Variants in BAD observed in about 807,000 individuals in gnomAD.
BAD encodes BCL2 associated agonist of cell death.
In BAD, 18 loss-of-function variants were observed where a neutral mutation model predicts 17.8. The ratio of observed to expected loss-of-function variants is 1.01; its 90% CI spans 0.70 to 1.50. The LOEUF is 1.50. Ranked by LOEUF, BAD falls within the 40% of genes most tolerant of loss-of-function variation. The pLI is 0.00. For synonymous variants in BAD, 112 were observed against 91.5 expected (o/e 1.22, Z -1.28); for missense variants, 294 against 239.3 (o/e 1.23, Z -1.51).
At chr11:64,284,159 G>A (rs1356737769) in intron 2 of BAD, 23 bp downstream of exon 2, 1 of 1,551,938 alleles carries the variant, frequency 6.4e-7, no homozygotes, top group Non-Finnish European at 8.7e-7. Context: ...TGTCCCGGCA[G>A]GTGGAGGTGG....
intron 2 of BAD, among the ~76,000 whole-genome samples, chr11:64,272,295 G>A (rs1307261493): frequency 6.6e-6 from 1 of 151,834 alleles, no homozygotes; most frequent in African/African-American, 2.4e-5. Flanking sequence ...CTCCAGCCTG[G>A]GCGACAGGCT....
intron 2 of BAD, among the ~76,000 whole-genome samples, chr11:64,274,131 G>C (rs1309138529): frequency 6.6e-6 from 1 of 152,210 alleles, no homozygotes; most frequent in Non-Finnish European, 1.5e-5. Context: ...GGTGGCTTAC[G>C]CCTTTAATCC....
rs746057329 is a variant in BAD, at chr11:64,284,394, T to C, written c.-8-18A>G. 2 of 1,611,890 alleles carry C rather than the reference T, an allele frequency of 1.2e-6. No homozygotes were observed. The highest frequency in any genetic ancestry group is 1.7e-5 in the Admixed American group (1 of 60,030). On this transcript the variant is annotated intron_variant, in intron 1 of 3. Coordinates refer to ENST00000309032, the MANE Select transcript of BAD (RefSeq NM_032989.3). ...GCTCTGGGCTGTGAGGACAAGATGT[T>C]ACGTAGTCAAGGCACAGCTGGGGCC...
chr11:64,276,040 G>A (rs993824786), intron 2 of BAD, among the ~76,000 whole-genome samples: 1 of 152,178 alleles, frequency 6.6e-6, no homozygotes, highest in Non-Finnish European at 1.5e-5. Flanking sequence ...CAGGGGCTGT[G>A]TGCTTAGCTG....
At chr11:64,282,881 G>GAA (rs541902877) in intron 2 of BAD, among the ~76,000 whole-genome samples, 9 of 88,056 alleles carry the variant, frequency 1.0e-4, no homozygotes, top group Non-Finnish European at 1.6e-4. Context: ...TCCGTCTCAG[G>GAA]AAAAAAAAAA....
intron 2 of BAD, among the ~76,000 whole-genome samples, chr11:64,272,196 A>G (rs968321240): frequency 1.3e-5 from 2 of 152,104 alleles, no homozygotes; most frequent in African/African-American, 2.4e-5. Flanking sequence ...GCACGTGCCT[A>G]TAGTCCCAGT....
chr11:64,277,307 G>A (rs993193711), intron 2 of BAD, among the ~76,000 whole-genome samples: 10 of 152,300 alleles, frequency 6.6e-5, no homozygotes, highest in Middle Eastern at 3.4e-3. Context: ...GTCCGCCTCC[G>A]GCACCTGTAG....
At chr11:64,282,766 C>T (rs1473998911) in intron 2 of BAD, among the ~76,000 whole-genome samples, 1 of 151,698 alleles carries the variant, frequency 6.6e-6, no homozygotes, top group Non-Finnish European at 1.5e-5. Flanking sequence ...GTAGTCCCAG[C>T]TACTCTGGAG....
In BAD at chr11:64,269,918, T is replaced by C. The variant is rs576392138; in HGVS notation, c.*291A>G. 3.1e-4 allele frequency: 221 copies of C among 705,656 alleles called. No individual in the cohort carries two copies. The African/African-American group carries it at 3.4e-3, about 11-fold the overall frequency. The allele number at this position is 705,656 out of a possible 1,614,324, so 43.7% of individuals were successfully genotyped here. ...GGCTCGGGTCCCGGTGACGCAACGG[T>C]TAAACCTGGCTCGCGACTTAGCGCA... On this transcript the variant is annotated 3_prime_UTR_variant, in exon 4 of 4. Transcript: ENST00000309032.
At chr11:64,276,752 G>A (rs1298335498) in intron 2 of BAD, 2 of 590,608 alleles carry the variant, frequency 3.4e-6, no homozygotes, top group Middle Eastern at 4.5e-4. Flanking sequence ...CTCTGGGGAA[G>A]GGAAGGGGTG....
intron 3 of BAD, 123 bp downstream of exon 3, chr11:64,271,490 G>T: frequency 9.6e-7 from 1 of 1,043,240 alleles, no homozygotes. Context: ...GGAAGGAACA[G>T]GACGGCTTTG....
intron 3 of BAD, 69 bp downstream of exon 3, chr11:64,271,544 A>G: frequency 7.4e-7 from 1 of 1,342,942 alleles, no homozygotes; most frequent in Non-Finnish European, 9.6e-7. Flanking sequence ...CCTTGGGACA[A>G]GGCAGGGACA....
At chr11:64,273,563 C>T (rs1004558485) in intron 2 of BAD, among the ~76,000 whole-genome samples, 4 of 151,926 alleles carry the variant, frequency 2.6e-5, no homozygotes, top group African/African-American at 7.3e-5. Context: ...TGAGCAAACA[C>T]TCAGAGTGCA....
intron 2 of BAD, among the ~76,000 whole-genome samples, chr11:64,281,994 C>T (rs529540571): frequency 5.3e-5 from 8 of 152,242 alleles, no homozygotes; most frequent in Non-Finnish European, 8.8e-5. Flanking sequence ...GTTGGAATTA[C>T]AGGCGTGAGC....
rs1294670707 is a variant in BAD, at chr11:64,271,798, C to T, written c.193G>A (p.Gly65Arg). Residue 65 changes from glycine to arginine, a missense_variant, in exon 3 of 4, where the codon GGG becomes AGG. By Grantham distance (125) the Gly-to-Arg change is moderately radical. Transcript: ENST00000309032. ...TGGCGACTCCGGATCTCCACAGCCC[C>T]AGCGCCTGCAGAGGGTCAGTGGGTA... is the stretch of plus-strand genomic sequence containing the variant. ...PTSSSHHGGA[G>R]AVEIRSRHSS... 9 of 1,401,968 alleles carry T rather than the reference C, an allele frequency of 6.4e-6. No individual in the cohort carries two copies. Among genetic ancestry groups the T allele is most frequent in the Non-Finnish European group, 4.6e-6 (5 of 1,076,254 alleles). 86.8% of individuals were successfully genotyped at this position (1,401,968 alleles called of 1,614,324 possible). A position where few individuals can be genotyped will look rare whatever the true frequency, so the allele number is the denominator to read the frequency against.
intron 2 of BAD, among the ~76,000 whole-genome samples, chr11:64,281,349 G>A (rs78991749): frequency 0.037 from 5,648 of 152,206 alleles, 319 homozygotes; most frequent in African/African-American, 0.13. Flanking sequence ...AGCAGATCCT[G>A]CCAGTTCTGC....
intron 2 of BAD, among the ~76,000 whole-genome samples, chr11:64,279,268 C>T (rs965896117): frequency 6.6e-6 from 1 of 152,080 alleles, no homozygotes; most frequent in African/African-American, 2.4e-5. Flanking sequence ...GGGACCCCAA[C>T]TCCAACGATG....
In BAD at chr11:64,269,886, T is replaced by C. The variant is rs3741400; in HGVS notation, c.*323A>G. The C allele has an allele frequency of 2.0e-3, 1,419 of 698,628 alleles. 16 individuals carry two copies. The East Asian group carries it at 0.026, about 13-fold the overall frequency. 43.3% of individuals were successfully genotyped at this position (698,628 alleles called of 1,614,324 possible). A position where few individuals can be genotyped will look rare whatever the true frequency, so the allele number is the denominator to read the frequency against. On this transcript the variant is annotated 3_prime_UTR_variant, in exon 4 of 4. Coordinates refer to ENST00000309032, the MANE Select transcript of BAD (RefSeq NM_032989.3). ...GGTAGTGAGCACGGCCCCCAGGGCA[T>C]CGCGGGGGCTCGGGTCCCGGTGACG... is the stretch of plus-strand genomic sequence containing the variant.
At position 64,284,210 on chromosome 11, in the gene BAD, C is replaced by T. The variant is rs2033680960; in HGVS notation, c.159G>A (p.Glu53=). The T allele has an allele frequency of 1.2e-6, 2 of 1,603,214 alleles. No individual in the cohort carries two copies. The highest frequency in any genetic ancestry group is 2.2e-5 in the East Asian group (1 of 44,686). ...CATGATGGCTGCTGCTGGTTGGCTG[C>T]TCCTGCTGGTGACTGGCGTCCCACA... The part of the protein sequence containing the change: ...GLLWDASHQQ[E]QPTSSSHHGG... Residue 53 remains glutamate (E), a synonymous_variant, in exon 2 of 4, where the codon GAG becomes GAA. Coordinates refer to ENST00000309032, the MANE Select transcript of BAD (RefSeq NM_032989.3).
Sources: gnomAD v4.1 joint callset for allele counts (sites outside exome capture counted in the v4.1 genomes callset) on GRCh38, gnomAD v4.1.1 for gene constraint, MANE v1.5 for transcripts, NCBI Gene and HGNC (gene_info 2026-07-23, HGNC 2026-07-21) for gene names.